Variants in FAR1 observed in about 807,000 individuals in gnomAD.
The protein encoded by FAR1 is fatty acyl-CoA reductase 1.
A neutral mutation model predicts 61.1 loss-of-function variants in FAR1; 22 were observed. The observed-to-expected ratio is 0.36, with a 90% CI of 0.26 to 0.51. The LOEUF (loss-of-function observed/expected upper bound fraction) is 0.51, where lower values mean the gene tolerates loss of function less well. FAR1 is among the 20% of genes least tolerant of loss of function. The pLI, the probability that FAR1 is intolerant of heterozygous loss-of-function variation, is 0.95. For missense variants in FAR1, 359 were observed against 626.9 expected (o/e 0.57, Z 4.56); for synonymous variants, 206 against 209.7 (o/e 0.98, Z 0.15).
At chr11:13,693,108 C>A (rs1744946404) in intron 1 of FAR1, among the ~76,000 whole-genome samples, 1 of 152,084 alleles carries the variant, frequency 6.6e-6, no homozygotes, top group Admixed American at 6.6e-5. Context: ...GATATCCAAG[C>A]TTTTGGCTTC....
intron 1 of FAR1, among the ~76,000 whole-genome samples, chr11:13,675,739 A>C (rs1191879080): frequency 6.6e-6 from 1 of 152,136 alleles, no homozygotes; most frequent in Non-Finnish European, 1.5e-5. Flanking sequence ...TGTGTGTTTA[A>C]CTTAAATGTT....
rs1325496516 is a variant in FAR1, at chr11:13,729,684, T to C, written c.*910T>C. ...CTCCTCCCTTTATAAATTTTATTCA[T>C]AGGACTTTTAAAAGGCTTGTGCTAT... On this transcript the variant is annotated 3_prime_UTR_variant, in exon 12 of 12. Transcript: ENST00000354817. 6.6e-6 allele frequency: 1 copy of C among 151,986 alleles called. No individual in the cohort carries two copies. Among genetic ancestry groups the C allele is most frequent in the Non-Finnish European group, 1.5e-5 (1 of 67,878 alleles). The allele number at this position is 151,986 out of a possible 1,614,324, so 9.4% of individuals were successfully genotyped here.
At chr11:13,687,120 A>T (rs959772578) in intron 1 of FAR1, among the ~76,000 whole-genome samples, 6 of 151,968 alleles carry the variant, frequency 3.9e-5, no homozygotes, top group Admixed American at 3.3e-4. Flanking sequence ...ATATGTGATA[A>T]TTTTTTTTAC....
chr11:13,705,310 T>G (rs1347548070), intron 3 of FAR1, among the ~76,000 whole-genome samples: 1 of 151,974 alleles, frequency 6.6e-6, no homozygotes, highest in Non-Finnish European at 1.5e-5. Flanking sequence ...TGGATTGAGG[T>G]AAAACACAGT....
intron 3 of FAR1, among the ~76,000 whole-genome samples, chr11:13,705,744 G>A (rs1848425381): frequency 1.3e-5 from 2 of 152,066 alleles, no homozygotes; most frequent in African/African-American, 2.4e-5. Context: ...TATTTCTAGT[G>A]TGTTTTCATA....
At chr11:13,691,174 GA>G (rs1848245911) in intron 1 of FAR1, among the ~76,000 whole-genome samples, 2 of 152,284 alleles carry the variant, frequency 1.3e-5, no homozygotes, top group African/African-American at 4.8e-5. Context: ...GCACGTTGTT[GA>G]ACCCTCTATG....
chr11:13,670,504 C>T (rs1158069988), intron 1 of FAR1, among the ~76,000 whole-genome samples: 1 of 152,076 alleles, frequency 6.6e-6, no homozygotes, highest in African/African-American at 2.4e-5. Flanking sequence ...ATTGGCCAGG[C>T]TGGTCTCGAA....
Position 13,730,678 on chromosome 11 carries a change from A to C in FAR1, c.*1904A>C, listed in dbSNP as rs931671727. 4 of 152,022 alleles carry C rather than the reference A, an allele frequency of 2.6e-5. No homozygotes were observed. Among genetic ancestry groups the C allele is most frequent in the Non-Finnish European group, 5.9e-5 (4 of 67,918 alleles). The allele number at this position is 152,022 out of a possible 1,614,324, so 9.4% of individuals were successfully genotyped here. On this transcript the variant is annotated 3_prime_UTR_variant, in exon 12 of 12. Coordinates refer to ENST00000354817, the MANE Select transcript of FAR1 (RefSeq NM_032228.6). ...CAGATGAATTGTCTGTGTGTCTTGCAAAAGAGTTGGGGACAACTTGGGCAG... is the reference window on the plus strand; with the variant it reads ...CAGATGAATTGTCTGTGTGTCTTGCCAAAGAGTTGGGGACAACTTGGGCAG...
intron 2 of FAR1, among the ~76,000 whole-genome samples, chr11:13,699,370 A>T (rs555992134): frequency 2.0e-5 from 3 of 152,252 alleles, no homozygotes; most frequent in Non-Finnish European, 4.4e-5. Context: ...ATAAGAAAAC[A>T]TTAATATTCA....
intron 1 of FAR1, among the ~76,000 whole-genome samples, chr11:13,684,216 A>G (rs1024775931): frequency 3.3e-5 from 5 of 152,368 alleles, no homozygotes; most frequent in Middle Eastern, 3.4e-3. Context: ...TGTTTCATAC[A>G]TAAGTAACCA....
intron 2 of FAR1, among the ~76,000 whole-genome samples, chr11:13,699,065 C>G (rs527517907): frequency 6.6e-6 from 1 of 152,286 alleles, no homozygotes; most frequent in South Asian, 2.1e-4. Context: ...CCTGGAAACA[C>G]TATTATTCTA....
At chr11:13,670,642 T>G (rs1396624844) in intron 1 of FAR1, among the ~76,000 whole-genome samples, 1 of 152,006 alleles carries the variant, frequency 6.6e-6, no homozygotes, top group Non-Finnish European at 1.5e-5. Flanking sequence ...TTTTCTGGAG[T>G]TTGATTATGT....
chr11:13,703,756 G>T (rs1477174600), intron 3 of FAR1, among the ~76,000 whole-genome samples: 3 of 152,112 alleles, frequency 2.0e-5, no homozygotes, highest in African/African-American at 7.2e-5. Flanking sequence ...CAAAAAGTGT[G>T]GGGAGGGCTG....
At chr11:13,691,505 T>G (rs1412812977) in intron 1 of FAR1, among the ~76,000 whole-genome samples, 1 of 152,188 alleles carries the variant, frequency 6.6e-6, no homozygotes, top group Non-Finnish European at 1.5e-5. Context: ...TAAAACTCCT[T>G]AAGCAGTTTC....
Position 13,729,264 on chromosome 11 carries a change from A to C in FAR1, c.*490A>C, listed in dbSNP as rs1848697078. On this transcript the variant is annotated 3_prime_UTR_variant, in exon 12 of 12. Coordinates refer to ENST00000354817, the MANE Select transcript of FAR1 (RefSeq NM_032228.6). ...GAAGTGGGTTTTAGTTTTGTTTAAA[A>C]TTATAACCAGCGTATTTTCACATCA... 6.6e-6 allele frequency: 1 copy of C among 152,376 alleles called. No homozygotes were observed. The highest frequency in any genetic ancestry group is 1.5e-5 in the Non-Finnish European group (1 of 67,904). The allele number at this position is 152,376 out of a possible 1,614,324, so 9.4% of individuals were successfully genotyped here.
intron 1 of FAR1, among the ~76,000 whole-genome samples, chr11:13,690,890 T>G (rs1848242350): frequency 6.6e-6 from 1 of 152,206 alleles, no homozygotes; most frequent in Non-Finnish European, 1.5e-5. Flanking sequence ...CTGTCAGTAT[T>G]TAGTAGGTTT....
At position 13,730,064 on chromosome 11, in the gene FAR1, CTACT is replaced by C. The variant is rs1246968443; in HGVS notation, c.*1295_*1298del. The C allele has an allele frequency of 2.6e-5, 4 of 152,156 alleles. No homozygotes were observed. Among genetic ancestry groups the C allele is most frequent in the Non-Finnish European group, 4.4e-5 (3 of 67,848 alleles). The allele number at this position is 152,156 out of a possible 1,614,324, so 9.4% of individuals were successfully genotyped here. A position where few individuals can be genotyped will look rare whatever the true frequency, so the allele number is the denominator to read the frequency against. The stretch of plus-strand genomic sequence containing the variant: ...TCCCTTTTAATCATAATAGTTAACT[CTACT>C]TACTGTTTTAACATACATTTGATTT... On this transcript the variant is annotated 3_prime_UTR_variant, in exon 12 of 12. Coordinates refer to ENST00000354817, the MANE Select transcript of FAR1 (RefSeq NM_032228.6).
intron 8 of FAR1, among the ~76,000 whole-genome samples, chr11:13,713,378 T>C (rs1366525433): frequency 1.3e-5 from 2 of 151,976 alleles, no homozygotes; most frequent in African/African-American, 4.8e-5. Flanking sequence ...ATGTTGCCTA[T>C]CCATAGGCAG....
chr11:13,730,945 C>T lies in FAR1; in HGVS notation c.*2171C>T, dbSNP rs1410295351. The stretch of plus-strand genomic sequence containing the variant: ...TAATCCCCACCAGCTAGACTTTGAA[C>T]TTAAGTCAGACTTAAAGATTTGAGA... On this transcript the variant is annotated 3_prime_UTR_variant, in exon 12 of 12. Coordinates refer to ENST00000354817, the MANE Select transcript of FAR1 (RefSeq NM_032228.6). 6.6e-6 allele frequency: 1 copy of T among 152,070 alleles called. No homozygotes were observed. Among genetic ancestry groups the T allele is most frequent in the Non-Finnish European group, 1.5e-5 (1 of 67,988 alleles). 9.4% of individuals were successfully genotyped at this position (152,070 alleles called of 1,614,324 possible).
Sources: gnomAD v4.1 joint callset for allele counts (sites outside exome capture counted in the v4.1 genomes callset) on GRCh38, gnomAD v4.1.1 for gene constraint, MANE v1.5 for transcripts, NCBI Gene and HGNC (gene_info 2026-07-23, HGNC 2026-07-21) for gene names.